PPP1R16B: variants seen among roughly 807,000 people sequenced by gnomAD.
The protein encoded by PPP1R16B is protein phosphatase 1 regulatory subunit 16B.
In PPP1R16B, 14 loss-of-function variants were observed where a neutral mutation model predicts 61.7. That is an observed-to-expected ratio of 0.23 (90% CI 0.15 to 0.35). The LOEUF is 0.35. Ranked by LOEUF, PPP1R16B falls within the 10% of genes least tolerant of loss-of-function variation. PPP1R16B has a pLI of 1.00. For missense variants in PPP1R16B, 547 were observed against 752.5 expected (o/e 0.73, Z 3.19); for synonymous variants, 266 against 305.3 (o/e 0.87, Z 1.34).
intron 1 of PPP1R16B, among the ~76,000 whole-genome samples, chr20:38,823,335 G>A (rs764267242): frequency 3.2e-4 from 48 of 152,170 alleles, no homozygotes; most frequent in Admixed American, 7.2e-4. Flanking sequence ...GGGAGTTACC[G>A]GATGAAGTGA....
chr20:38,856,504 A>G (rs1390448321), intron 2 of PPP1R16B, among the ~76,000 whole-genome samples: 1 of 152,076 alleles, frequency 6.6e-6, no homozygotes, highest in Non-Finnish European at 1.5e-5. Flanking sequence ...TGGTGAGTTT[A>G]TTTCCTTGAG....
chr20:38,892,956 T>C (rs970985675), intron 3 of PPP1R16B, among the ~76,000 whole-genome samples: 4 of 152,040 alleles, frequency 2.6e-5, no homozygotes, highest in African/African-American at 9.7e-5. Flanking sequence ...GTGCAGGTGG[T>C]GAGACTGAGA....
chr20:38,894,169 T>C (rs2145764612), intron 3 of PPP1R16B, among the ~76,000 whole-genome samples: 1 of 139,352 alleles, frequency 7.2e-6, no homozygotes, highest in South Asian at 2.6e-4. Context: ...AACCTGGGTC[T>C]CTGGCGCCAT....
chr20:38,880,990 T>C (rs534160348), intron 2 of PPP1R16B, among the ~76,000 whole-genome samples: 108 of 152,310 alleles, frequency 7.1e-4, no homozygotes, highest in Non-Finnish European at 1.2e-3. Context: ...CCTCCTCTTC[T>C]TGAATGGGCC....
intron 4 of PPP1R16B, among the ~76,000 whole-genome samples, chr20:38,896,010 CCTTCCTTCTTTCTTTCCTCT>C (rs1189106911): frequency 3.0e-5 from 4 of 134,500 alleles, no homozygotes; most frequent in Non-Finnish European, 4.7e-5. Context: ...TCCCTTCCCC[CCTTCCTTCTTTCTTTCCTCT>C]CTTCCTTCTT....
At chr20:38,916,626 AAAGTATAC>A (rs2085543604) in intron 10 of PPP1R16B, among the ~76,000 whole-genome samples, 1 of 151,864 alleles carries the variant, frequency 6.6e-6, no homozygotes, top group Non-Finnish European at 1.5e-5. Flanking sequence ...TTGCTGGTGC[AAAGTATAC>A]AATCTTTTCT....
chr20:38,908,039 G>A lies in PPP1R16B; in HGVS notation c.1040G>A (p.Arg347Gln), dbSNP rs768049487. 1.2e-6 allele frequency: 2 copies of A among 1,614,166 alleles called. No individual in the cohort carries two copies. The highest frequency in any genetic ancestry group is 1.1e-5 in the South Asian group (1 of 91,080). ...CTTTGTCCTCTCAGGAAGGTGGTGCGGCGAGCCAGCCTGTCGGACAGGACC... is the reference window on the plus strand; with the variant it reads ...CTTTGTCCTCTCAGGAAGGTGGTGCAGCGAGCCAGCCTGTCGGACAGGACC... ...SSAGSRGKVV[R>Q]RASLSDRTNL... The change falls in exon 10 of 11, where the codon CGG becomes CAG. Residue 347 changes from arginine (R) to glutamine (Q), a missense_variant. Coordinates refer to ENST00000299824, the MANE Select transcript of PPP1R16B (RefSeq NM_015568.4).
At chr20:38,814,402 C>G (rs1471057020) in intron 1 of PPP1R16B, among the ~76,000 whole-genome samples, 1 of 152,114 alleles carries the variant, frequency 6.6e-6, no homozygotes, top group Non-Finnish European at 1.5e-5. Flanking sequence ...GGGTTTGATT[C>G]CTACCTCCAG....
chr20:38,822,765 C>T (rs768152455), intron 1 of PPP1R16B, among the ~76,000 whole-genome samples: 2 of 151,780 alleles, frequency 1.3e-5, no homozygotes, highest in Non-Finnish European at 2.9e-5. Flanking sequence ...AGAAGAAAAC[C>T]CTGAAACTAG....
chr20:38,918,441 C>T lies in PPP1R16B; in HGVS notation c.1479C>T (p.Leu493=). The T allele has an allele frequency of 6.2e-7, 1 of 1,614,168 alleles. No homozygotes were observed. The change falls in exon 11 of 11, where the codon CTC becomes CTT. Residue 493 remains leucine (L), a synonymous_variant. Coordinates refer to ENST00000299824, the MANE Select transcript of PPP1R16B (RefSeq NM_015568.4). The surrounding 1 kb of genome is among the most constrained non-coding windows in gnomAD (Gnocchi z 5.3). ...GGCAGCGGGCTGCAGCCAAGCTGCT[C>T]AGCCACCCCTTCCTTAGCACACACC... is the stretch of plus-strand genomic sequence containing the variant. ...LKRQRAAAKL[L]SHPFLSTHLG... is the part of the protein sequence containing the mutation.
At chr20:38,879,349 T>C (rs1412059826) in intron 2 of PPP1R16B, among the ~76,000 whole-genome samples, 5 of 152,130 alleles carry the variant, frequency 3.3e-5, no homozygotes, top group Non-Finnish European at 7.3e-5. Context: ...CCATATCATC[T>C]TCACGGTAGC....
chr20:38,895,458 T>C, intron 3 of PPP1R16B, 107 bp from the exon 4 acceptor site: 7 of 1,320,892 alleles, frequency 5.3e-6, no homozygotes, highest in Non-Finnish European at 6.2e-6. Flanking sequence ...AAACAGGCCT[T>C]CCACAGTCTT....
chr20:38,812,761 T>G (rs2084709357), intron 1 of PPP1R16B, among the ~76,000 whole-genome samples: 1 of 152,232 alleles, frequency 6.6e-6, no homozygotes, highest in South Asian at 2.1e-4. Context: ...GCTGTTCTTC[T>G]GGGTCTCTGT....
intron 2 of PPP1R16B, among the ~76,000 whole-genome samples, chr20:38,843,483 T>C (rs1206611802): frequency 1.3e-5 from 2 of 152,236 alleles, no homozygotes; most frequent in Non-Finnish European, 2.9e-5. Context: ...TGTGGCCCTC[T>C]CTATAGGACA....
intron 2 of PPP1R16B, among the ~76,000 whole-genome samples, chr20:38,853,178 C>T (rs1357167465): frequency 6.6e-6 from 1 of 152,126 alleles, no homozygotes; most frequent in Non-Finnish European, 1.5e-5. Context: ...TCAACAATCG[C>T]CAAAGCTGGA....
chr20:38,906,175 T>C, intron 7 of PPP1R16B, 81 bp downstream of exon 7: 1 of 1,490,196 alleles, frequency 6.7e-7, no homozygotes, highest in Non-Finnish European at 9.0e-7. Flanking sequence ...CTGGCAGTTG[T>C]TTTCAAAGAA....
At chr20:38,916,691 G>A (rs1433789240) in intron 10 of PPP1R16B, among the ~76,000 whole-genome samples, 1 of 151,730 alleles carries the variant, frequency 6.6e-6, no homozygotes, top group Non-Finnish European at 1.5e-5. Flanking sequence ...CTGAAGAGCT[G>A]GGGAGAGAAG....
chr20:38,912,900 T>A (rs2085503867), intron 10 of PPP1R16B, among the ~76,000 whole-genome samples: 1 of 152,222 alleles, frequency 6.6e-6, no homozygotes, highest in Non-Finnish European at 1.5e-5. Flanking sequence ...GGTCTCACTC[T>A]GTTGCCCAGG....
intron 2 of PPP1R16B, among the ~76,000 whole-genome samples, chr20:38,870,506 G>A (rs2085121516): frequency 6.6e-6 from 1 of 152,158 alleles, no homozygotes. Flanking sequence ...TGAAGGATGA[G>A]AACTGAGCCA....
Sources: allele counts gnomAD v4.1 joint callset (sites outside exome capture counted in the v4.1 genomes callset), GRCh38; gene constraint gnomAD v4.1.1; non-coding constraint Gnocchi (gnomAD v3.1); transcripts MANE v1.5; gene names NCBI Gene and HGNC (gene_info 2026-07-23, HGNC 2026-07-21).